DLC1: variants seen among roughly 807,000 people sequenced by gnomAD.
DLC1 encodes the protein DLC1 Rho GTPase activating protein.
Under a neutral mutation model 140.3 loss-of-function variants are expected in DLC1, and 54 were observed. That is an observed-to-expected ratio of 0.38 (90% CI 0.31 to 0.48). The LOEUF is 0.48. Among genes scored for constraint, DLC1 ranks in the 20% least tolerant of loss-of-function variants. The pLI is 0.96. For synonymous variants in DLC1, 986 were observed against 728.1 expected (o/e 1.35, Z -5.70); for missense variants, 2,536 against 1,907.0 (o/e 1.33, Z -6.14).
intron 5 of DLC1, among the ~76,000 whole-genome samples, chr8:13,227,400 T>C (rs763733824): frequency 3.3e-5 from 5 of 152,178 alleles, no homozygotes; most frequent in Admixed American, 2.6e-4. Flanking sequence ...GAGACTTGGA[T>C]TGGGAATCTT....
chr8:13,249,278 A>T (rs773447874), intron 5 of DLC1, among the ~76,000 whole-genome samples: 2 of 151,980 alleles, frequency 1.3e-5, no homozygotes, highest in African/African-American at 2.4e-5. Flanking sequence ...GAGTTTCACC[A>T]TGTCGGCCAG....
At chr8:13,539,703 T>C (rs71522351) in intron 1 of DLC1, among the ~76,000 whole-genome samples, 24,831 of 151,964 alleles carry the variant, frequency 0.16, 2,137 homozygotes, top group East Asian at 0.22. Flanking sequence ...TTGTAGCTTT[T>C]ATTCTGTTTT....
At chr8:13,148,022 A>G (rs1169880702) in intron 5 of DLC1, among the ~76,000 whole-genome samples, 1 of 152,158 alleles carries the variant, frequency 6.6e-6, no homozygotes, top group Non-Finnish European at 1.5e-5. Flanking sequence ...CTAACCTGAG[A>G]TTTGACAACA....
At chr8:13,202,468 C>A (rs1330588996) in intron 5 of DLC1, among the ~76,000 whole-genome samples, 3 of 152,102 alleles carry the variant, frequency 2.0e-5, no homozygotes, top group Non-Finnish European at 4.4e-5. Flanking sequence ...GGCCAATGAA[C>A]TGGGTCTTTA....
At chr8:13,595,335 G>A (rs1216539496) in intron 1 of DLC1, among the ~76,000 whole-genome samples, 1 of 151,996 alleles carries the variant, frequency 6.6e-6, no homozygotes, top group African/African-American at 2.4e-5. Flanking sequence ...ATGAAAATGT[G>A]TGAACTGTCT....
At chr8:13,404,212 T>C (rs289587) in intron 2 of DLC1, among the ~76,000 whole-genome samples, 125,783 of 152,068 alleles carry the variant, frequency 0.83, 53,842 homozygotes, top group East Asian at 0.98. Flanking sequence ...ATGGGTGGGC[T>C]ATGGTATGTT....
chr8:13,166,050 A>C (rs1306174803), intron 5 of DLC1, among the ~76,000 whole-genome samples: 1 of 152,190 alleles, frequency 6.6e-6, no homozygotes, highest in Non-Finnish European at 1.5e-5. Flanking sequence ...GTATATGGCC[A>C]CAAAACCTAT....
chr8:13,498,424 G>A (rs1244049904), intron 2 of DLC1, among the ~76,000 whole-genome samples: 6 of 152,076 alleles, frequency 3.9e-5, no homozygotes, highest in South Asian at 2.1e-4. Flanking sequence ...ACATAATTGT[G>A]GTTATTAGCC....
At position 13,530,712 on chromosome 8, in the gene DLC1, A is replaced by G. The variant is rs542020167; in HGVS notation, c.-125-30516T>C. Reference sequence around the variant, plus strand: ...AGATGACATATTGTTCCAATTTTACATTAGTACTCATATTTTAATAAGCAA... The same window carrying G: ...AGATGACATATTGTTCCAATTTTACGTTAGTACTCATATTTTAATAAGCAA... On this transcript the variant is annotated intron_variant, in intron 1 of 1. Transcript: ENST00000631382. 4.6e-5 allele frequency among the ~76,000 whole-genome samples: 7 copies of G among 152,302 alleles called. No individual in the cohort carries two copies. The South Asian group carries it at 1.5e-3, about 32-fold the overall frequency.
chr8:13,504,939 A>G (rs980409810), intron 1 of DLC1, among the ~76,000 whole-genome samples: 1 of 152,172 alleles, frequency 6.6e-6, no homozygotes, highest in Non-Finnish European at 1.5e-5. Flanking sequence ...CCAGTGGTCA[A>G]TCATTTCACA....
In DLC1 at chr8:13,090,261, G is replaced by A. The variant is rs760982580; in HGVS notation, c.4065C>T (p.Ser1355=). 1 of 1,613,970 alleles carries A rather than the reference G, an allele frequency of 6.2e-7. No homozygotes were observed. The highest frequency in any genetic ancestry group is 8.5e-7 in the Non-Finnish European group (1 of 1,179,964). ...SYSTSEQAEL[S]YKKVSEGPPL... ...CAGGGTGAAGCCTTACCTTCTTATA[G>A]GACAGCTCAGCCTGCTCCGAAGTGG... Residue 1355 remains serine (S), a synonymous_variant, in exon 15 of 18, where the codon TCC becomes TCT. Transcript: ENST00000276297.
intron 1 of DLC1, among the ~76,000 whole-genome samples, chr8:13,589,426 T>C (rs189944904): frequency 6.6e-6 from 1 of 152,086 alleles, no homozygotes; most frequent in Non-Finnish European, 1.5e-5. Flanking sequence ...TCTGACAGCT[T>C]TGAGATAGGC....
chr8:13,153,114 G>A (rs551487891), intron 5 of DLC1, among the ~76,000 whole-genome samples: 3 of 152,192 alleles, frequency 2.0e-5, no homozygotes, highest in Admixed American at 6.5e-5. Flanking sequence ...CTTCAAGAAC[G>A]AAGCCGCGGA....
At chr8:13,217,390 G>A (rs1163477939) in intron 5 of DLC1, among the ~76,000 whole-genome samples, 1 of 152,112 alleles carries the variant, frequency 6.6e-6, no homozygotes, top group Non-Finnish European at 1.5e-5. Flanking sequence ...GTACTAAGTT[G>A]TGCATTTCCT....
At chr8:13,596,909 C>T (rs1481590) in intron 1 of DLC1, among the ~76,000 whole-genome samples, 64,161 of 151,622 alleles carry the variant, frequency 0.42, 14,767 homozygotes, top group South Asian at 0.59. Context: ...TATTAAATGC[C>T]TGCGGAGTGT....
intron 5 of DLC1, among the ~76,000 whole-genome samples, chr8:13,237,332 A>T (rs184524462): frequency 1.3e-5 from 2 of 149,882 alleles, no homozygotes; most frequent in African/African-American, 4.9e-5. Context: ...TTCTGTGTAT[A>T]TATATATATA....
At chr8:13,255,880 G>T (rs1830204061) in intron 5 of DLC1, among the ~76,000 whole-genome samples, 1 of 152,140 alleles carries the variant, frequency 6.6e-6, no homozygotes, top group South Asian at 2.1e-4. Context: ...ATTGCCCATT[G>T]CCCTTTTTAT....
upstream of DLC1, among the ~76,000 whole-genome samples, chr8:13,518,962 T>A (rs117996085): frequency 0.023 from 3,558 of 152,204 alleles, 60 homozygotes; most frequent in Non-Finnish European, 0.034. Context: ...TTTCTTTTTT[T>A]AAAAATATAT....
intron 2 of DLC1, among the ~76,000 whole-genome samples, chr8:13,455,407 T>C (rs533450808): frequency 6.6e-6 from 1 of 152,274 alleles, no homozygotes; most frequent in Admixed American, 6.5e-5. Context: ...CTCCAAAGCC[T>C]AATGTCGCTG....
Sources: gnomAD v4.1 joint callset for allele counts (sites outside exome capture counted in the v4.1 genomes callset) on GRCh38, gnomAD v4.1.1 for gene constraint, MANE v1.5 for transcripts, NCBI Gene and HGNC (gene_info 2026-07-23, HGNC 2026-07-21) for gene names.